TGM3: variants seen among roughly 807,000 people sequenced by gnomAD.
TGM3 encodes protein-glutamine gamma-glutamyltransferase E.
In TGM3, 52 loss-of-function variants were observed where a neutral mutation model predicts 73.8. The ratio of observed to expected loss-of-function variants is 0.70; its 90% CI spans 0.56 to 0.89. The LOEUF is 0.89. Ranked by LOEUF, TGM3 falls within the 40% of genes least tolerant of loss-of-function variation. The pLI, the probability that TGM3 is intolerant of heterozygous loss-of-function variation, is 0.00. For missense variants in TGM3, 928 were observed against 909.9 expected, an observed-to-expected ratio of 1.02 and a Z score of -0.26; for synonymous variants, 372 against 354.9, an observed-to-expected ratio of 1.05 and a Z score of -0.54.
chr20:2,340,788 C>G lies in TGM3; in HGVS notation c.*207C>G. On this transcript the variant is annotated 3_prime_UTR_variant, in exon 13 of 13. Coordinates refer to ENST00000381458, the MANE Select transcript of TGM3 (RefSeq NM_003245.4). ...TCCACCCTGTCCTATGACTTGATCA[C>G]TTTTGCACATTCCCTGGCCGCTTCT... 1 of 715,714 alleles carries G rather than the reference C, an allele frequency of 1.4e-6. No homozygotes were observed. The highest frequency in any genetic ancestry group is 2.5e-6 in the Non-Finnish European group (1 of 402,118). 44.3% of individuals were successfully genotyped at this position (715,714 alleles called of 1,614,324 possible). A position where few individuals can be genotyped will look rare whatever the true frequency, so the allele number is the denominator to read the frequency against.
At position 2,328,163 on chromosome 20, in the gene TGM3, G is replaced by A. The variant is rs752920011; in HGVS notation, c.1131G>A (p.Glu377=). 2 of 1,614,178 alleles carry A rather than the reference G, an allele frequency of 1.2e-6. No homozygotes were observed. The highest frequency in any genetic ancestry group is 1.7e-6 in the Non-Finnish European group (2 of 1,180,034). The change falls in exon 9 of 13, where the codon GAG becomes GAA. Residue 377 remains glutamate, a synonymous_variant. Transcript: ENST00000381458. The surrounding 1 kb of genome is among the most constrained non-coding windows in gnomAD (Gnocchi z 5.2). ...CCGCTTCGGTCATTGGTGTTCGAGA[G>A]GGTGATGTGCAGCTGAACTTCGACA... ...CGPASVIGVR[E]GDVQLNFDMP... is the part of the protein sequence containing the mutation.
At position 2,334,580 on chromosome 20, in the gene TGM3, T is replaced by C. The variant is rs1453790221; in HGVS notation, c.1643-536T>C. On this transcript the variant is annotated intron_variant, in intron 10 of 12. Transcript: ENST00000381458. This position sits in a 1 kb window ranked among gnomAD's most constrained non-coding sequence, Gnocchi z 4.0. ...CCCTGGCTTCCCTTCCTACCTATTA[T>C]TGTGTTACTGTCATGATTGCTACTG... Among the ~76,000 whole-genome samples the C allele has an allele frequency of 6.6e-6, 1 of 152,074 alleles. No individual in the cohort carries two copies. Among genetic ancestry groups the C allele is most frequent in the Non-Finnish European group, 1.5e-5 (1 of 67,990 alleles).
At chr20:2,296,920 G>A (rs530732414) in intron 1 of TGM3, among the ~76,000 whole-genome samples, 2 of 152,342 alleles carry the variant, frequency 1.3e-5, no homozygotes, top group East Asian at 1.9e-4. Flanking sequence ...GGCGATTAGG[G>A]CTGCTGGAAG....
chr20:2,340,534 A>T lies in TGM3; in HGVS notation c.2035A>T (p.Lys679Ter). Reference sequence around the variant, plus strand: ...ACTGCTCGCCGACTTCTCCTGCAACAAGTTCCCTGCAATCAAGGCCATGTT... The same window carrying T: ...ACTGCTCGCCGACTTCTCCTGCAACTAGTTCCCTGCAATCAAGGCCATGTT... ...KQLLADFSCN[K>*]FPAIKAMLSI... The change falls in exon 13 of 13, where the codon AAG becomes TAG. Residue 679 changes from lysine to a stop codon, truncating the protein, a stop_gained. Coordinates refer to ENST00000381458, the MANE Select transcript of TGM3 (RefSeq NM_003245.4). LOFTEE classifies it high-confidence loss of function. 1 of 1,614,114 alleles carries T rather than the reference A, an allele frequency of 6.2e-7. No homozygotes were observed. The highest frequency in any genetic ancestry group is 8.5e-7 in the Non-Finnish European group (1 of 1,180,016).
At chr20:2,302,714 TAAA>T (rs56347560) in intron 1 of TGM3, among the ~76,000 whole-genome samples, 2 of 105,260 alleles carry the variant, frequency 1.9e-5, no homozygotes, top group African/African-American at 6.1e-5. Context: ...AGAGGTTTTC[TAAA>T]AAAAAAAAAA....
At chr20:2,325,661 C>T (rs2084282870) in intron 7 of TGM3, among the ~76,000 whole-genome samples, 188 bp from the exon 8 acceptor site, 1 of 152,182 alleles carries the variant, frequency 6.6e-6, no homozygotes, top group South Asian at 2.1e-4. Context: ...AAAATGGTAC[C>T]TATTGCACAG....
At chr20:2,304,963 G>A (rs1262833931) in intron 1 of TGM3, among the ~76,000 whole-genome samples, 2 of 152,138 alleles carry the variant, frequency 1.3e-5, no homozygotes, top group East Asian at 1.9e-4. Flanking sequence ...GAAAACAGAC[G>A]ACCAGCTTAT....
chr20:2,341,022 C>T lies in TGM3; in HGVS notation c.*441C>T, dbSNP rs1357651087. 8 of 449,328 alleles carry T rather than the reference C, an allele frequency of 1.8e-5. No homozygotes were observed. Among genetic ancestry groups the T allele is most frequent in the African/African-American group, 1.6e-4 (8 of 50,174 alleles). The allele number at this position is 449,328 out of a possible 1,614,324, so 27.8% of individuals were successfully genotyped here. A position where few individuals can be genotyped will look rare whatever the true frequency, so the allele number is the denominator to read the frequency against. ...ACAGAGGGCAGGGGATGGTTAGTCA[C>T]CTGCCCCAGCACTCACACCCTAACT... is the stretch of plus-strand genomic sequence containing the variant. On this transcript the variant is annotated 3_prime_UTR_variant, in exon 13 of 13. Transcript: ENST00000381458.
At chr20:2,314,534 C>T (rs1425934320) in intron 5 of TGM3, among the ~76,000 whole-genome samples, 5 of 26,876 alleles carry the variant, frequency 1.9e-4, no homozygotes, top group Admixed American at 2.4e-3. Context: ...TACACATACA[C>T]ACACACACAC....
At chr20:2,304,110 A>G (rs2084165606) in intron 1 of TGM3, among the ~76,000 whole-genome samples, 1 of 152,160 alleles carries the variant, frequency 6.6e-6, no homozygotes, top group Admixed American at 6.5e-5. Flanking sequence ...GCTCGTAAAT[A>G]TACAAAAAGC....
At chr20:2,336,709 T>G (rs8114748) in intron 11 of TGM3, among the ~76,000 whole-genome samples, 2,316 of 151,830 alleles carry the variant, frequency 0.015, 62 homozygotes, top group African/African-American at 0.053. Flanking sequence ...AGTCAGTGAC[T>G]GGGCAGCCAG....
rs562427701 is a variant in TGM3 at position 2,317,119 on chromosome 20, T to G, written c.721T>G (p.Tyr241Asp). The G allele has an allele frequency of 6.2e-7, 1 of 1,613,850 alleles. No homozygotes were observed. The highest frequency in any genetic ancestry group is 8.5e-7 in the Non-Finnish European group (1 of 1,180,010). Residue 241 changes from tyrosine (Y) to aspartate (D), a missense_variant, in exon 6 of 13, where the codon TAC becomes GAC. Coordinates refer to ENST00000381458, the MANE Select transcript of TGM3 (RefSeq NM_003245.4). ...GVLAGNWSGT[Y>D]TGGRDPRSWN... is the part of the protein sequence containing the mutation. ...GCTTGCTGGGAATTGGAGCGGCACT[T>G]ACACCGGTGGCCGGGACCCAAGGAG...
intron 8 of TGM3, among the ~76,000 whole-genome samples, chr20:2,327,464 A>G (rs1424535739): frequency 6.6e-6 from 1 of 152,210 alleles, no homozygotes; most frequent in Non-Finnish European, 1.5e-5. Context: ...GCGACAGAGC[A>G]CGACTGCATC....
intron 1 of TGM3, among the ~76,000 whole-genome samples, chr20:2,300,226 A>G (rs888545668): frequency 6.1e-5 from 6 of 97,910 alleles, no homozygotes; most frequent in African/African-American, 1.7e-4. Context: ...AGAAGAAAGA[A>G]AGAAAGAAAA....
chr20:2,335,972 G>A (rs4815128), intron 11 of TGM3, among the ~76,000 whole-genome samples: 13 of 152,374 alleles, frequency 8.5e-5, no homozygotes, highest in Admixed American at 1.3e-4. Flanking sequence ...CCTCCAAGGC[G>A]TCCTGGTACA....
At chr20:2,324,305 G>C (rs148011122) in intron 7 of TGM3, among the ~76,000 whole-genome samples, 2 of 151,630 alleles carry the variant, frequency 1.3e-5, no homozygotes, top group Non-Finnish European at 2.9e-5. Flanking sequence ...GTTGAGCCTC[G>C]CTCTAGTAGC....
rs1426288065 is a variant in TGM3, at chr20:2,325,971, G to C, written c.1087+19G>C. 1 of 1,574,970 alleles carries C rather than the reference G, an allele frequency of 6.3e-7. No homozygotes were observed. The highest frequency in any genetic ancestry group is 8.6e-7 in the Non-Finnish European group (1 of 1,158,208). On this transcript the variant is annotated intron_variant, in intron 8 of 12. Transcript: ENST00000381458. ...AGCCAAGGTAACTTCTCTGGGTGTG[G>C]TTCTGAGTCGTGAGCCTCACAGTTA...
intron 11 of TGM3, among the ~76,000 whole-genome samples, chr20:2,339,331 A>T (rs189346216): frequency 2.6e-4 from 40 of 152,312 alleles, no homozygotes; most frequent in African/African-American, 9.6e-4. Flanking sequence ...AAAGCCAAGG[A>T]AAGTAATATT....
chr20:2,317,545 C>T (rs572591561), intron 7 of TGM3, 60 bp downstream of exon 7: 3 of 1,602,760 alleles, frequency 1.9e-6, no homozygotes, highest in East Asian at 4.5e-5. Context: ...TTCTCGCTCT[C>T]ACCATCCTTC....
Sources: allele counts gnomAD v4.1 joint callset (sites outside exome capture counted in the v4.1 genomes callset), GRCh38; gene constraint gnomAD v4.1.1; non-coding constraint Gnocchi (gnomAD v3.1); transcripts MANE v1.5; gene names NCBI Gene and HGNC (gene_info 2026-07-23, HGNC 2026-07-21).